Variants in ABCD4 observed in about 807,000 individuals in gnomAD.
ABCD4 encodes the protein lysosomal cobalamin transporter ABCD4.
Under a neutral mutation model 86.3 loss-of-function variants are expected in ABCD4, and 53 were observed. That is an observed-to-expected ratio of 0.61 (90% CI 0.49 to 0.77). The LOEUF is 0.77. Ranked by LOEUF, ABCD4 falls within the 30% of genes least tolerant of loss-of-function variation. The pLI is 0.00. For missense variants in ABCD4, 757 were observed against 764.5 expected, an observed-to-expected ratio of 0.99 and a Z score of 0.12; for synonymous variants, 328 against 313.6, an observed-to-expected ratio of 1.05 and a Z score of -0.49.
chr14:74,289,294 C>T, intron 14 of ABCD4, 189 bp downstream of exon 14: 1 of 1,398,046 alleles, frequency 7.2e-7, no homozygotes, highest in Non-Finnish European at 9.3e-7. Flanking sequence ...TCCTTAAGGA[C>T]AGAAAGAATG....
intron 14 of ABCD4, 101 bp from the exon 15 acceptor site, chr14:74,288,866 C>A: frequency 7.0e-7 from 1 of 1,434,138 alleles, no homozygotes; most frequent in Middle Eastern, 1.8e-4. Flanking sequence ...GTAATCCCAA[C>A]ACTTTGGGAG....
chr14:74,295,598 G>A, intron 6 of ABCD4: 1 of 566,216 alleles, frequency 1.8e-6, no homozygotes. Flanking sequence ...AATGACGATG[G>A]TGATGGCCAG....
intron 1 of ABCD4, 55 bp from the exon 2 acceptor site, chr14:74,300,323 G>A (rs903529261): frequency 5.0e-6 from 6 of 1,191,520 alleles, no homozygotes; most frequent in African/African-American, 4.5e-5. Context: ...TAAGCCTTAG[G>A]GAGTAGTTAT....
chr14:74,289,633 A>G (rs1213174760), intron 13 of ABCD4, 114 bp from the exon 14 acceptor site: 1 of 1,514,884 alleles, frequency 6.6e-7, no homozygotes, highest in African/African-American at 1.4e-5. Flanking sequence ...AGAGGTGGGA[A>G]CGCCTGGCCT....
rs537214697 is a variant in ABCD4 at position 74,288,607 on chromosome 14, G to A, written c.1506+109C>T. On this transcript the variant is annotated intron_variant, in intron 15 of 18. Coordinates refer to ENST00000356924, the MANE Select transcript of ABCD4 (RefSeq NM_005050.4). ...ACTGATACTCCCATTCTCCACCCCA[G>A]GTTCAGACTTCCAGTCCTGGGCCCA... 419 of 1,301,872 alleles carry A rather than the reference G, an allele frequency of 3.2e-4. 1 individual carries two copies. The African/African-American group carries it at 4.9e-3, about 15-fold the overall frequency. The allele number at this position is 1,301,872 out of a possible 1,614,324, so 80.6% of individuals were successfully genotyped here.
Position 74,293,138 on chromosome 14 carries a change from G to A in ABCD4, c.814+16C>T, listed in dbSNP as rs1442929811. 4 of 1,611,940 alleles carry A rather than the reference G, an allele frequency of 2.5e-6. No homozygotes were observed. The highest frequency in any genetic ancestry group is 1.7e-4 in the Middle Eastern group (1 of 5,798). Reference sequence around the variant, plus strand: ...CCAACCCCATGGTTCCCACTTCCCTGGGCCCCCTCGCCTACTGTACAGCCA... The same window carrying A: ...CCAACCCCATGGTTCCCACTTCCCTAGGCCCCCTCGCCTACTGTACAGCCA... On this transcript the variant is annotated intron_variant, in intron 8 of 18. Coordinates refer to ENST00000356924, the MANE Select transcript of ABCD4 (RefSeq NM_005050.4).
intron 8 of ABCD4, 134 bp from the exon 9 acceptor site, chr14:74,293,003 C>A: frequency 6.7e-7 from 1 of 1,481,962 alleles, no homozygotes; most frequent in Admixed American, 1.8e-5. Flanking sequence ...TGAGGATACT[C>A]ACAGAAAGGC....
At chr14:74,286,658 G>A in intron 18 of ABCD4, 43 bp downstream of exon 18, 1 of 1,613,394 alleles carries the variant, frequency 6.2e-7, no homozygotes, top group Non-Finnish European at 8.5e-7. Context: ...CTGAGCCTTT[G>A]GGTTCTTTCT....
intron 7 of ABCD4, chr14:74,294,856 A>C (rs933364050): frequency 2.2e-6 from 1 of 462,096 alleles, no homozygotes; most frequent in African/African-American, 2.0e-5. Context: ...CGGATGTCTT[A>C]CAGTCACCAG....
At chr14:74,301,605 T>G (rs2084547019) in intron 1 of ABCD4, among the ~76,000 whole-genome samples, 1 of 152,196 alleles carries the variant, frequency 6.6e-6, no homozygotes, top group African/African-American at 2.4e-5. Context: ...CCGGGAGCAG[T>G]GGCTCACGTC....
chr14:74,286,375 G>A lies in ABCD4; in HGVS notation c.*86C>T. Reference sequence around the variant, plus strand: ...CACGGGATCTATGTGGCGAACCTGAGCTCGATCTTCGCTGTCAGTCCTCCT... The same window carrying A: ...CACGGGATCTATGTGGCGAACCTGAACTCGATCTTCGCTGTCAGTCCTCCT... On this transcript the variant is annotated 3_prime_UTR_variant, in exon 19 of 19. Coordinates refer to ENST00000356924, the MANE Select transcript of ABCD4 (RefSeq NM_005050.4). The A allele has an allele frequency of 6.8e-7, 1 of 1,463,370 alleles. No individual in the cohort carries two copies. The highest frequency in any genetic ancestry group is 9.5e-7 in the Non-Finnish European group (1 of 1,048,506). The allele number at this position is 1,463,370 out of a possible 1,614,324, so 90.6% of individuals were successfully genotyped here.
In ABCD4 at chr14:74,298,040, GT is replaced by G; in HGVS notation, c.314del (p.Asn105ThrfsTer5). The G allele has an allele frequency of 6.2e-7, 1 of 1,613,972 alleles. No individual in the cohort carries two copies. The highest frequency in any genetic ancestry group is 8.5e-7 in the Non-Finnish European group (1 of 1,180,000). ...CCTTCCTCCAGCTCACATACAGCAG[GT>G]TGCAGGTGAACTGATCAAAGCTCTT... ...TLKSFDQFTC[N>X]LLYVSWRKDL... On this transcript the variant is annotated frameshift_variant, in exon 4 of 19. Coordinates refer to ENST00000356924, the MANE Select transcript of ABCD4 (RefSeq NM_005050.4). LOFTEE classifies it high-confidence loss of function.
In ABCD4 at chr14:74,288,727, A is replaced by C. The variant is rs561519173; in HGVS notation, c.1495T>G (p.Leu499Val). 6.2e-7 allele frequency: 1 copy of C among 1,613,614 alleles called. No homozygotes were observed. The highest frequency in any genetic ancestry group is 8.5e-7 in the Non-Finnish European group (1 of 1,179,894). ...CTCTCCCCACTTACCAGGCCTGCCAATTCCAAGAACCTCAAGATCCTCTCA... is the reference window on the plus strand; with the variant it reads ...CTCTCCCCACTTACCAGGCCTGCCACTTCCAAGAACCTCAAGATCCTCTCA... ...DDERILRFLE[L>V]AGLSNLVART... Residue 499 changes from leucine (L) to valine (V), a missense_variant, in exon 15 of 19, where the codon TTG (leucine) becomes GTG (valine). Coordinates refer to ENST00000356924, the MANE Select transcript of ABCD4 (RefSeq NM_005050.4).
intron 3 of ABCD4, 139 bp downstream of exon 3, chr14:74,299,409 A>G (rs1278073835): frequency 9.4e-7 from 1 of 1,068,270 alleles, no homozygotes; most frequent in African/African-American, 1.6e-5. Flanking sequence ...AAAGGCAACT[A>G]TCCCTTTAGT....
At chr14:74,291,013 G>A (rs1459006578) in intron 11 of ABCD4, among the ~76,000 whole-genome samples, 2 of 152,100 alleles carry the variant, frequency 1.3e-5, no homozygotes, top group African/African-American at 4.8e-5. Flanking sequence ...ACATGAAGTT[G>A]TTGGGGTGGG....
chr14:74,295,960 C>T lies in ABCD4; in HGVS notation c.562G>A (p.Val188Met). 6.2e-7 allele frequency: 1 copy of T among 1,610,734 alleles called. No homozygotes were observed. The highest frequency in any genetic ancestry group is 8.5e-7 in the Non-Finnish European group (1 of 1,179,206). The change falls in exon 6 of 19, where the codon GTG becomes ATG. Residue 188 changes from valine to methionine, a missense_variant. Coordinates refer to ENST00000356924, the MANE Select transcript of ABCD4 (RefSeq NM_005050.4). The stretch of plus-strand genomic sequence containing the variant: ...AGGATGAAATACCCGAAGATGCTCA[C>T]AGGCCCGAGCCAGCCTGTGCTGAAA... ...CFQSTGWLGP[V>M]SIFGYFILGT...
intron 16 of ABCD4, 22 bp from the exon 17 acceptor site, chr14:74,287,908 G>C: frequency 1.9e-6 from 3 of 1,596,228 alleles, no homozygotes; most frequent in Non-Finnish European, 2.6e-6. Flanking sequence ...TAGGAGAGAG[G>C]ACTGCTAGAG....
chr14:74,293,363 G>T, intron 7 of ABCD4, 115 bp from the exon 8 acceptor site: 1 of 918,030 alleles, frequency 1.1e-6, no homozygotes, highest in Non-Finnish European at 1.7e-6. Context: ...AATGATCTTG[G>T]TCTCAGGATC....
At chr14:74,290,244 C>T in intron 12 of ABCD4, 47 bp downstream of exon 12, 1 of 1,613,102 alleles carries the variant, frequency 6.2e-7, no homozygotes, top group South Asian at 1.1e-5. Context: ...TTCACCCCAC[C>T]CCTAGGGCCC....
Sources: gnomAD v4.1 joint callset for allele counts (sites outside exome capture counted in the v4.1 genomes callset) on GRCh38, gnomAD v4.1.1 for gene constraint, MANE v1.5 for transcripts, NCBI Gene and HGNC (gene_info 2026-07-23, HGNC 2026-07-21) for gene names.